Variants in TMEM144 observed in about 807,000 individuals in gnomAD.
The protein encoded by TMEM144 is transmembrane protein 144.
In TMEM144, 39 loss-of-function variants were observed where a neutral mutation model predicts 43.6. That is an observed-to-expected ratio of 0.90 (90% CI 0.69 to 1.17). TMEM144 has a LOEUF of 1.17. TMEM144 is among the 50% of genes most tolerant of loss of function. TMEM144 has a pLI of 0.00. For missense variants in TMEM144, 417 were observed against 411.9 expected, an observed-to-expected ratio of 1.01 and a Z score of -0.11; for synonymous variants, 154 against 133.6, an observed-to-expected ratio of 1.15 and a Z score of -1.06.
At chr4:158,241,377 A>C (rs2111143188) in intron 10 of TMEM144, 132 bp from the exon 11 acceptor site, 1 of 717,284 alleles carries the variant, frequency 1.4e-6, no homozygotes, top group East Asian at 2.6e-5. Context: ...ACACAGCTCA[A>C]AATTCCATGT....
At chr4:158,211,692 A>G (rs1023151509) in intron 2 of TMEM144, 118 bp downstream of exon 2, 5 of 152,212 alleles carry the variant, frequency 3.3e-5, no homozygotes, top group Admixed American at 6.5e-5. Context: ...TTCCTCAACC[A>G]CATCCCTATA....
intron 4 of TMEM144, 51 bp downstream of exon 4, chr4:158,215,364 T>C (rs2111101622): frequency 6.3e-7 from 1 of 1,587,988 alleles, no homozygotes; most frequent in Non-Finnish European, 8.6e-7. Flanking sequence ...ATGATAAAAA[T>C]AATTCTCGTT....
chr4:158,230,631 ATG>A (rs1169879762), intron 6 of TMEM144, among the ~76,000 whole-genome samples: 21 of 151,808 alleles, frequency 1.4e-4, no homozygotes, highest in Non-Finnish European at 2.4e-4. Flanking sequence ...TTACACAAAT[ATG>A]TGTGTGTAAA....
chr4:158,226,880 C>T (rs1734797477), intron 6 of TMEM144, among the ~76,000 whole-genome samples: 2 of 152,014 alleles, frequency 1.3e-5, no homozygotes, highest in African/African-American at 4.8e-5. Flanking sequence ...AATCCCGCCC[C>T]CCCTTTTTTT....
intron 11 of TMEM144, 90 bp from the exon 12 acceptor site, chr4:158,244,206 T>C: frequency 1.1e-6 from 1 of 914,006 alleles, no homozygotes; most frequent in Non-Finnish European, 1.6e-6. Context: ...CCTGAAAATA[T>C]GTTTATACTG....
intron 3 of TMEM144, chr4:158,213,264 C>T (rs1271571231): frequency 6.4e-6 from 1 of 156,978 alleles, no homozygotes; most frequent in Non-Finnish European, 1.4e-5. Flanking sequence ...TATCGACCAG[C>T]TCCCTTAGTT....
chr4:158,217,020 C>G (rs1401627712), intron 4 of TMEM144, among the ~76,000 whole-genome samples: 1 of 152,112 alleles, frequency 6.6e-6, no homozygotes, highest in Non-Finnish European at 1.5e-5. Context: ...TTATCACTGA[C>G]AGCTTCCATG....
At chr4:158,224,582 C>T (rs1044117877) in intron 6 of TMEM144, among the ~76,000 whole-genome samples, 3 of 152,010 alleles carry the variant, frequency 2.0e-5, no homozygotes, top group Non-Finnish European at 2.9e-5. Flanking sequence ...TTATAATAAC[C>T]GTAAAATAAT....
intron 9 of TMEM144, among the ~76,000 whole-genome samples, chr4:158,238,554 A>C (rs993639959): frequency 6.6e-6 from 1 of 152,232 alleles, no homozygotes; most frequent in Non-Finnish European, 1.5e-5. Flanking sequence ...GAAATTAATA[A>C]AAATAGAATA....
At chr4:158,239,077 G>A (rs962057759) in intron 9 of TMEM144, among the ~76,000 whole-genome samples, 4 of 152,166 alleles carry the variant, frequency 2.6e-5, no homozygotes, top group African/African-American at 4.8e-5. Flanking sequence ...AGACAGAGAC[G>A]TGAGATGATT....
chr4:158,239,913 TCTCA>T (rs1166697613), intron 9 of TMEM144, among the ~76,000 whole-genome samples: 4 of 147,618 alleles, frequency 2.7e-5, no homozygotes, highest in Non-Finnish European at 6.0e-5. Context: ...TGAGACAGAG[TCTCA>T]CTCTGTTGCC....
At chr4:158,219,211 C>A in intron 5 of TMEM144, 99 bp from the exon 6 acceptor site, 2 of 1,093,120 alleles carry the variant, frequency 1.8e-6, no homozygotes, top group Non-Finnish European at 2.8e-6. Context: ...AGAGAGCTAG[C>A]ATTTGAACCC....
At chr4:158,224,044 C>T (rs1206215207) in intron 6 of TMEM144, among the ~76,000 whole-genome samples, 1 of 152,190 alleles carries the variant, frequency 6.6e-6, no homozygotes, top group African/African-American at 2.4e-5. Flanking sequence ...TAAAAGCATT[C>T]CTATTTCTCC....
intron 12 of TMEM144, among the ~76,000 whole-genome samples, chr4:158,244,812 G>A (rs1363790707): frequency 1.3e-5 from 2 of 152,192 alleles, no homozygotes; most frequent in Non-Finnish European, 2.9e-5. Context: ...TTCAGAATGT[G>A]ATAATACCTA....
chr4:158,244,245 C>A (rs775034155), intron 11 of TMEM144, 51 bp from the exon 12 acceptor site: 9 of 1,301,638 alleles, frequency 6.9e-6, no homozygotes, highest in Non-Finnish European at 9.6e-6. Context: ...TATATAGAAT[C>A]TAGTCATAGG....
At chr4:158,225,095 G>A (rs1734695023) in intron 6 of TMEM144, among the ~76,000 whole-genome samples, 1 of 152,178 alleles carries the variant, frequency 6.6e-6, no homozygotes, top group Non-Finnish European at 1.5e-5. Flanking sequence ...ACCACAGCAT[G>A]GGGGGACTTT....
chr4:158,240,229 A>C, intron 9 of TMEM144, 70 bp from the exon 10 acceptor site: 1 of 1,530,306 alleles, frequency 6.5e-7, no homozygotes, highest in South Asian at 1.3e-5. Flanking sequence ...TGGTGAGTTT[A>C]TTTTCAGAAA....
intron 12 of TMEM144, among the ~76,000 whole-genome samples, chr4:158,245,123 A>G (rs1735821050): frequency 6.6e-6 from 1 of 152,114 alleles, no homozygotes; most frequent in Admixed American, 6.6e-5. Flanking sequence ...TTGTAGGAAA[A>G]CAGCATGGTA....
chr4:158,225,188 G>A (rs966847000), intron 6 of TMEM144, among the ~76,000 whole-genome samples: 1 of 152,186 alleles, frequency 6.6e-6, no homozygotes, highest in East Asian at 1.9e-4. Flanking sequence ...AGACATGGGG[G>A]CCAGCCTTTG....
Sources: allele counts gnomAD v4.1 joint callset (sites outside exome capture counted in the v4.1 genomes callset), GRCh38; gene constraint gnomAD v4.1.1; transcripts MANE v1.5; gene names NCBI Gene and HGNC (gene_info 2026-07-23, HGNC 2026-07-21).